ARHGAP42: variants seen among roughly 807,000 people sequenced by gnomAD.
ARHGAP42 encodes the protein Rho GTPase activating protein 42, also known as rho GTPase-activating protein 42.
A neutral mutation model predicts 125.0 loss-of-function variants in ARHGAP42; 63 were observed. The ratio of observed to expected loss-of-function variants is 0.50; its 90% CI spans 0.41 to 0.62. ARHGAP42 has a LOEUF of 0.62. Among genes scored for constraint, ARHGAP42 ranks in the 20% least tolerant of loss-of-function variants. The probability of loss-of-function intolerance (pLI) is 0.00; values close to 1 mark genes in which losing one functional copy is unlikely to be tolerated. For synonymous variants in ARHGAP42, 339 were observed against 351.0 expected (o/e 0.97, Z 0.38); for missense variants, 766 against 1,024.2 (o/e 0.75, Z 3.44).
At chr11:100,956,092 T>C (rs1591320369) in intron 12 of ARHGAP42, among the ~76,000 whole-genome samples, 1 of 152,144 alleles carries the variant, frequency 6.6e-6, no homozygotes, top group Admixed American at 6.6e-5. Context: ...TAGTTGATGG[T>C]TGTTTGCAAA....
intron 22 of ARHGAP42, chr11:100,986,008 T>C: frequency 2.2e-6 from 1 of 456,536 alleles, no homozygotes. Flanking sequence ...CCTGAATCTT[T>C]AAAAAGACTC....
chr11:100,887,365 A>G (rs904070981), intron 4 of ARHGAP42, among the ~76,000 whole-genome samples: 1 of 152,122 alleles, frequency 6.6e-6, no homozygotes, highest in African/African-American at 2.4e-5. Flanking sequence ...TGGTTCATGT[A>G]CAACTAACCA....
In ARHGAP42 at chr11:100,837,922, C is replaced by G. The variant is rs557995188; in HGVS notation, c.313-21632C>G. Among the ~76,000 whole-genome samples the G allele has an allele frequency of 1.0e-2, 66 of 6,604 alleles. No individual in the cohort carries two copies. The Middle Eastern group carries it at 0.12, about 13-fold the overall frequency. The allele number at this position is 6,604 out of a possible 152,430, so 4.3% of individuals were successfully genotyped here. ...ATTTGTTTTCATTGGTGCAGTCTAA[C>G]AGGTTTTTATTTTATTTTATTTTAT... On this transcript the variant is annotated intron_variant, in intron 3 of 23. Transcript: ENST00000298815.
At chr11:100,938,828 A>G (rs953402629) in intron 8 of ARHGAP42, among the ~76,000 whole-genome samples, 5 of 152,152 alleles carry the variant, frequency 3.3e-5, no homozygotes, top group African/African-American at 1.2e-4. Context: ...AAACAATCTA[A>G]CCAGTTTACT....
chr11:100,971,871 A>G (rs567303245), intron 17 of ARHGAP42, among the ~76,000 whole-genome samples: 7 of 152,334 alleles, frequency 4.6e-5, no homozygotes, highest in Non-Finnish European at 8.8e-5. Context: ...AAATAACATA[A>G]ATGAGCTTAC....
chr11:100,870,260 C>A (rs1362818300), intron 4 of ARHGAP42, among the ~76,000 whole-genome samples: 1 of 152,168 alleles, frequency 6.6e-6, no homozygotes, highest in Non-Finnish European at 1.5e-5. Flanking sequence ...CTCTTGCTTT[C>A]AGTAGGGCCA....
At chr11:100,757,207 T>G (rs1010837576) in intron 1 of ARHGAP42, among the ~76,000 whole-genome samples, 4 of 152,190 alleles carry the variant, frequency 2.6e-5, no homozygotes, top group African/African-American at 7.2e-5. Flanking sequence ...CTTAGCTAAA[T>G]CCAGTATGGT....
Position 100,948,547 on chromosome 11 carries a change from A to T in ARHGAP42, c.1122+12A>T, listed in dbSNP as rs1331003710. The T allele has an allele frequency of 1.3e-6, 2 of 1,538,122 alleles. No individual in the cohort carries two copies. Among genetic ancestry groups the T allele is most frequent in the Admixed American group, 2.1e-5 (1 of 48,450 alleles). ...ATGGGAAGGAACCGGTAAGACTATG[A>T]CACATTCTATAATTTAGGTTTTATT... is the stretch of plus-strand genomic sequence containing the variant. On this transcript the variant is annotated intron_variant, in intron 11 of 23. Transcript: ENST00000298815.
intron 1 of ARHGAP42, among the ~76,000 whole-genome samples, chr11:100,756,117 G>A (rs1186667972): frequency 3.3e-5 from 5 of 151,700 alleles, no homozygotes; most frequent in Admixed American, 2.6e-4. Flanking sequence ...CAGGCATGGT[G>A]GGTCATGCCT....
intron 1 of ARHGAP42, among the ~76,000 whole-genome samples, chr11:100,697,349 A>T (rs1370748728): frequency 5.3e-5 from 8 of 151,940 alleles, no homozygotes; most frequent in Admixed American, 4.6e-4. Flanking sequence ...CGCCCGGCTG[A>T]TTTTTTGTAT....
chr11:100,732,478 A>G lies in ARHGAP42; in HGVS notation c.155-37865A>G, dbSNP rs553378952. Among the ~76,000 whole-genome samples the G allele has an allele frequency of 3.9e-5, 6 of 152,346 alleles. No individual in the cohort carries two copies. The South Asian group carries it at 1.2e-3, about 32-fold the overall frequency. ...ACATCGTCTCAGACCAAAATTAGCC[A>G]TATATTTATATGGGCCTTCGATTGC... On this transcript the variant is annotated intron_variant, in intron 1 of 23. Coordinates refer to ENST00000298815, the MANE Select transcript of ARHGAP42 (RefSeq NM_152432.4).
At chr11:100,892,315 T>C (rs1866238600) in intron 4 of ARHGAP42, among the ~76,000 whole-genome samples, 1 of 152,218 alleles carries the variant, frequency 6.6e-6, no homozygotes, top group Admixed American at 6.5e-5. Flanking sequence ...ATTATTGCAG[T>C]CATTTTGAAA....
chr11:100,717,813 C>G (rs1370093443), intron 1 of ARHGAP42, among the ~76,000 whole-genome samples: 3 of 150,988 alleles, frequency 2.0e-5, no homozygotes, highest in African/African-American at 7.3e-5. Flanking sequence ...GTCATCCCAG[C>G]TACTCGGGAG....
intron 1 of ARHGAP42, among the ~76,000 whole-genome samples, chr11:100,745,491 G>A (rs1341741451): frequency 6.6e-6 from 1 of 152,134 alleles, no homozygotes; most frequent in Non-Finnish European, 1.5e-5. Context: ...ACGGCTGTGA[G>A]GGAAGTAAGA....
Position 100,902,452 on chromosome 11 carries a change from A to G in ARHGAP42, c.385-11000A>G, listed in dbSNP as rs138935583. ...ATTAGATCAAGAGAATAAGATTGTGAATGAGTCTGCAAAGCCCTTGAAAAT... is the reference window on the plus strand; with the variant it reads ...ATTAGATCAAGAGAATAAGATTGTGGATGAGTCTGCAAAGCCCTTGAAAAT... On this transcript the variant is annotated intron_variant, in intron 4 of 23. Coordinates refer to ENST00000298815, the MANE Select transcript of ARHGAP42 (RefSeq NM_152432.4). 3.9e-4 allele frequency among the ~76,000 whole-genome samples: 59 copies of G among 152,340 alleles called. No individual in the cohort carries two copies. The East Asian group carries it at 7.9e-3, about 20-fold the overall frequency.
intron 3 of ARHGAP42, among the ~76,000 whole-genome samples, chr11:100,808,331 C>T (rs186294127): frequency 1.3e-5 from 2 of 149,514 alleles, no homozygotes; most frequent in East Asian, 3.9e-4. Flanking sequence ...CATGTAATTT[C>T]AAGAGAAAGG....
At chr11:100,838,686 G>A (rs1365028942) in intron 3 of ARHGAP42, among the ~76,000 whole-genome samples, 2 of 151,488 alleles carry the variant, frequency 1.3e-5, no homozygotes, top group African/African-American at 2.4e-5. Flanking sequence ...GAGCAAGACC[G>A]TATCTCAAAA....
At chr11:100,870,158 A>G (rs1396722925) in intron 4 of ARHGAP42, among the ~76,000 whole-genome samples, 1 of 152,184 alleles carries the variant, frequency 6.6e-6, no homozygotes, top group African/African-American at 2.4e-5. Context: ...CCTGTTTTCT[A>G]GCAATGAAGT....
intron 4 of ARHGAP42, among the ~76,000 whole-genome samples, chr11:100,879,360 C>T (rs1865902641): frequency 6.6e-6 from 1 of 152,260 alleles, no homozygotes; most frequent in South Asian, 2.1e-4. Context: ...TAATCTGTCA[C>T]CCCGTCTGTG....
Sources: gnomAD v4.1 joint callset for allele counts (sites outside exome capture counted in the v4.1 genomes callset) on GRCh38, gnomAD v4.1.1 for gene constraint, MANE v1.5 for transcripts, NCBI Gene and HGNC (gene_info 2026-07-23, HGNC 2026-07-21) for gene names.